Variants in ZNF217 observed in about 807,000 individuals in gnomAD.
ZNF217 encodes the protein zinc finger protein 217.
In ZNF217, 12 loss-of-function variants were observed where a neutral mutation model predicts 73.3. The observed-to-expected ratio is 0.16, with a 90% confidence interval of 0.10 to 0.27. ZNF217 has a LOEUF of 0.27. Ranked by LOEUF, ZNF217 falls within the 10% of genes least tolerant of loss-of-function variation. The pLI, the probability that ZNF217 is intolerant of heterozygous loss-of-function variation, is 1.00. For missense variants in ZNF217, 1,195 were observed against 1,327.8 expected, an observed-to-expected ratio of 0.90 and a Z score of 1.55; for synonymous variants, 588 against 516.4, an observed-to-expected ratio of 1.14 and a Z score of -1.88.
At chr20:53,585,257 G>A (rs145965762) in intron 1 of ZNF217, among the ~76,000 whole-genome samples, 32 of 152,132 alleles carry the variant, frequency 2.1e-4, no homozygotes, top group African/African-American at 7.5e-4. Flanking sequence ...CTACAGTCTC[G>A]GGATTAGAAA....
At chr20:53,585,080 G>T (rs1600726787) in intron 1 of ZNF217, among the ~76,000 whole-genome samples, 3 of 49,696 alleles carry the variant, frequency 6.0e-5, no homozygotes, top group East Asian at 6.5e-4. Context: ...CAAAATCAAA[G>T]TTCAGTGAGA....
intron 2 of ZNF217, among the ~76,000 whole-genome samples, chr20:53,579,378 A>C (rs2145949551): frequency 6.6e-6 from 1 of 151,954 alleles, no homozygotes; most frequent in South Asian, 2.1e-4. Context: ...GTCTAAAGAA[A>C]GAAAAAAAAA....
In ZNF217 at chr20:53,576,217, A is replaced by G; in HGVS notation, c.2547T>C (p.Pro849=). 2 of 1,614,228 alleles carry G rather than the reference A, an allele frequency of 1.2e-6. No individual in the cohort carries two copies. The highest frequency in any genetic ancestry group is 1.7e-6 in the Non-Finnish European group (2 of 1,180,044). The change falls in exon 4 of 6, where the codon CCT becomes CCC. Residue 849 remains proline, a synonymous_variant. Transcript: ENST00000371471. ...CGGGTCTTTTTGTCTTATCCGGTGC[A>G]GGGGAAACACTGGTTTTAGGAAACA... ...SEMFPKTSVS[P]APDKTKRPET...
Position 53,569,185 on chromosome 20 carries a change from A to G in ZNF217, c.*103T>C, listed in dbSNP as rs527771117. On this transcript the variant is annotated 3_prime_UTR_variant, in exon 6 of 6. Transcript: ENST00000371471. The stretch of plus-strand genomic sequence containing the variant: ...GTACAGTACAATCACAGCTTATTTC[A>G]GTAGCTTTCACCATTCGCTTCTCAA... 2 of 1,347,922 alleles carry G rather than the reference A, an allele frequency of 1.5e-6. No homozygotes were observed. The highest frequency in any genetic ancestry group is 2.0e-6 in the Non-Finnish European group (2 of 1,012,072). 83.5% of individuals were successfully genotyped at this position (1,347,922 alleles called of 1,614,324 possible). A position where few individuals can be genotyped will look rare whatever the true frequency, so the allele number is the denominator to read the frequency against.
At chr20:53,570,444 C>T (rs189610835) in intron 5 of ZNF217, 1 of 152,926 alleles carries the variant, frequency 6.5e-6, no homozygotes, top group African/African-American at 2.4e-5. Context: ...GGCTGCTCAA[C>T]GAATATACAG....
intron 5 of ZNF217, among the ~76,000 whole-genome samples, 199 bp downstream of exon 5, chr20:53,571,522 A>G (rs1988002331): frequency 6.7e-6 from 1 of 150,358 alleles, no homozygotes; most frequent in African/African-American, 2.5e-5. Flanking sequence ...TTCCTGCTTC[A>G]GCCTCCTAAG....
rs897514696 is a variant in ZNF217, at chr20:53,589,905, C to G, written c.-343+3851G>C. Reference sequence around the variant, plus strand: ...CGTTTAAATTTTAACACCCCTCCCCCCCGCAGAATCTGGAGAAGAGGTGTG... The same window carrying G: ...CGTTTAAATTTTAACACCCCTCCCCGCCGCAGAATCTGGAGAAGAGGTGTG... On this transcript the variant is annotated intron_variant, in intron 1 of 5. Coordinates refer to ENST00000371471, the MANE Select transcript of ZNF217 (RefSeq NM_006526.3). Among the ~76,000 whole-genome samples the G allele has an allele frequency of 5.1e-5, 7 of 136,358 alleles. No individual in the cohort carries two copies. In the South Asian group the frequency reaches 8.2e-4, roughly 16 times the overall value. The allele number at this position is 136,358 out of a possible 152,430, so 89.5% of individuals were successfully genotyped here.
In ZNF217 at chr20:53,577,205, C is replaced by G. The variant is rs761569520; in HGVS notation, c.1559G>C (p.Arg520Thr). 1.2e-6 allele frequency: 2 copies of G among 1,610,566 alleles called. No individual in the cohort carries two copies. The highest frequency in any genetic ancestry group is 2.7e-5 in the African/African-American group (2 of 74,930). Residue 520 changes from arginine to threonine, a missense_variant, in exon 4 of 6, where the codon AGA (arginine) becomes ACA (threonine). This residue lies in a region of ZNF217 where 12 missense variants were observed against 53.8 expected (regional missense o/e 0.22). Coordinates refer to ENST00000371471, the MANE Select transcript of ZNF217 (RefSeq NM_006526.3). ...QKTSLRYHLE[R>T]HHKEKQTDVA... The stretch of plus-strand genomic sequence containing the variant: ...ATCGGTTTGTTTTTCCTTGTGATGT[C>G]TCTCCAAGTGATACCTCAGAGATGT...
intron 5 of ZNF217, 45 bp from the exon 6 acceptor site, chr20:53,569,309 TAC>T (rs1327534758): frequency 5.7e-6 from 7 of 1,223,322 alleles, no homozygotes; most frequent in African/African-American, 3.2e-5. Flanking sequence ...CAAAACTGAA[TAC>T]AGTTTAGAAA....
At chr20:53,595,344 T>G (rs1989023839), upstream of ZNF217, among the ~76,000 whole-genome samples, 1 of 152,172 alleles carries the variant, frequency 6.6e-6, no homozygotes, top group South Asian at 2.1e-4. Flanking sequence ...CTTCAGCATA[T>G]CCAAAATGAA....
At chr20:53,588,491 A>G (rs1160063550) in intron 1 of ZNF217, among the ~76,000 whole-genome samples, 1 of 152,096 alleles carries the variant, frequency 6.6e-6, no homozygotes, top group Non-Finnish European at 1.5e-5. Context: ...CACCAAAAAA[A>G]AAAGATTTCA....
chr20:53,571,191 A>T (rs1194393887), intron 5 of ZNF217, among the ~76,000 whole-genome samples: 1 of 152,154 alleles, frequency 6.6e-6, no homozygotes, highest in Non-Finnish European at 1.5e-5. Context: ...CTGATAATAA[A>T]ACACTTCATT....
intron 5 of ZNF217, 111 bp downstream of exon 5, chr20:53,571,610 T>C: frequency 7.5e-7 from 1 of 1,337,802 alleles, no homozygotes; most frequent in Non-Finnish European, 9.8e-7. Flanking sequence ...TTTCACCATG[T>C]TGGCCAAGCT....
chr20:53,575,422 A>C (rs1344278778), intron 4 of ZNF217: 5 of 241,130 alleles, frequency 2.1e-5, no homozygotes, highest in South Asian at 1.0e-4. Flanking sequence ...ACAGTAAGCT[A>C]TGATTACACC....
intron 2 of ZNF217, among the ~76,000 whole-genome samples, chr20:53,578,709 C>G (rs114286914): frequency 6.6e-6 from 1 of 152,260 alleles, no homozygotes; most frequent in African/African-American, 2.4e-5. Flanking sequence ...TTCAGTTCTT[C>G]GTTTGCCTTA....
chr20:53,597,195 T>C (rs1374352466), upstream of ZNF217, among the ~76,000 whole-genome samples: 1 of 152,064 alleles, frequency 6.6e-6, no homozygotes, highest in Non-Finnish European at 1.5e-5. Flanking sequence ...TGAGGTAGGA[T>C]CTTCTTATTT....
chr20:53,589,820 C>A (rs1302639309), intron 1 of ZNF217, among the ~76,000 whole-genome samples: 1 of 152,140 alleles, frequency 6.6e-6, no homozygotes, highest in Non-Finnish European at 1.5e-5. Context: ...GCTTCCTTCA[C>A]CCGAATTTAA....
rs748104377 is a variant in ZNF217, at chr20:53,582,234, G to C, written c.593C>G (p.Thr198Arg). The change falls in exon 2 of 6, where the codon ACG (threonine) becomes AGG (arginine). Residue 198 changes from threonine (T) to arginine (R), a missense_variant. Physicochemically the swap from Thr to Arg is moderately conservative, Grantham distance 71 (BLOSUM62 -1). Transcript: ENST00000371471. This position sits in a 1 kb window ranked among gnomAD's most constrained non-coding sequence, Gnocchi z 4.8. Reference protein sequence around the residue: ...LQQGLESSPATINEVVQVHAA... With the variant: ...LQQGLESSPARINEVVQVHAA... ...GTGCACCTGGACGACCTCGTTGATC[G>C]TTGCTGGACTACTCTCCAAGCCTTG... The C allele has an allele frequency of 1.3e-5, 21 of 1,614,136 alleles. No individual in the cohort carries two copies. The highest frequency in any genetic ancestry group is 1.8e-5 in the Non-Finnish European group (21 of 1,180,046).
At position 53,593,032 on chromosome 20, in the gene ZNF217, GA is replaced by G. The variant is rs908789416; in HGVS notation, c.-343+723del. On this transcript the variant is annotated intron_variant, in intron 1 of 5. Coordinates refer to ENST00000371471, the MANE Select transcript of ZNF217 (RefSeq NM_006526.3). Reference sequence around the variant, plus strand: ...AAAAAATCTTTAAAATTAGAGGAGGGAAAAAAAAAGCCACCTTATCGCACAC... The same window carrying G: ...AAAAAATCTTTAAAATTAGAGGAGGGAAAAAAAAGCCACCTTATCGCACAC... 1.0e-4 allele frequency among the ~76,000 whole-genome samples: 15 copies of G among 150,362 alleles called. No homozygotes were observed. The East Asian group carries it at 1.2e-3, about 12-fold the overall frequency.
Sources: allele counts gnomAD v4.1 joint callset (sites outside exome capture counted in the v4.1 genomes callset), GRCh38; gene constraint gnomAD v4.1.1; regional missense constraint gnomAD v4.1.1; non-coding constraint Gnocchi (gnomAD v3.1); transcripts MANE v1.5; gene names NCBI Gene and HGNC (gene_info 2026-07-23, HGNC 2026-07-21).